Variants in RAD51B observed in about 807,000 individuals in gnomAD.
The protein encoded by RAD51B is RAD51 paralog B.
A neutral mutation model predicts 42.2 loss-of-function variants in RAD51B; 38 were observed. The ratio of observed to expected loss-of-function variants is 0.90; its 90% CI spans 0.70 to 1.18. The LOEUF (loss-of-function observed/expected upper bound fraction) is 1.18. RAD51B is among the 50% of genes most tolerant of loss of function. The pLI, the probability that RAD51B is intolerant of heterozygous loss-of-function variation, is 0.00. For synonymous variants in RAD51B, 154 were observed against 145.2 expected (o/e 1.06, Z -0.43); for missense variants, 373 against 400.7 (o/e 0.93, Z 0.59).
chr14:68,555,006 A>G (rs1252409083), intron 10 of RAD51B, among the ~76,000 whole-genome samples: 1 of 151,868 alleles, frequency 6.6e-6, no homozygotes, highest in Admixed American at 6.6e-5. Flanking sequence ...CTGCCACCAC[A>G]CCCGACTATT....
intron 11 of RAD51B, among the ~76,000 whole-genome samples, chr14:68,673,279 C>A (rs556075674): frequency 1.3e-5 from 2 of 152,260 alleles, no homozygotes; most frequent in South Asian, 4.1e-4. Flanking sequence ...AACACATACA[C>A]ATAAGACATG....
chr14:67,930,681 G>A (rs184899948), intron 7 of RAD51B, among the ~76,000 whole-genome samples: 5 of 152,130 alleles, frequency 3.3e-5, no homozygotes, highest in Non-Finnish European at 5.9e-5. Flanking sequence ...AAGACCTTTC[G>A]CATTGGATCA....
At chr14:68,180,206 C>T (rs1192921415) in intron 7 of RAD51B, among the ~76,000 whole-genome samples, 2 of 152,124 alleles carry the variant, frequency 1.3e-5, no homozygotes, top group African/African-American at 2.4e-5. Flanking sequence ...CCATAGCCTA[C>T]GTGTTTAGAA....
chr14:68,147,545 C>T (rs1465477616), intron 7 of RAD51B, among the ~76,000 whole-genome samples: 1 of 152,134 alleles, frequency 6.6e-6, no homozygotes, highest in Admixed American at 6.5e-5. Flanking sequence ...GCATCTGTCA[C>T]TAGATTTCAT....
chr14:67,884,241 A>C (rs2042999602), intron 5 of RAD51B, among the ~76,000 whole-genome samples: 1 of 152,170 alleles, frequency 6.6e-6, no homozygotes, highest in South Asian at 2.1e-4. Flanking sequence ...TCCATTGACC[A>C]CCATTCCTTT....
At chr14:68,595,846 A>G (rs1218966062) in exon 11 of RAD51B, 2 of 297,346 alleles carry the variant, frequency 6.7e-6, no homozygotes, top group African/African-American at 4.3e-5. Context: ...TGTAAGAAAA[A>G]AGTATTATGT....
intron 7 of RAD51B, among the ~76,000 whole-genome samples, chr14:68,000,014 A>C (rs796835857): frequency 1.7e-4 from 26 of 152,282 alleles, no homozygotes; most frequent in African/African-American, 6.0e-4. Context: ...ACAAACAAAC[A>C]AAAAGACAAC....
intron 7 of RAD51B, among the ~76,000 whole-genome samples, chr14:67,989,192 G>A (rs527397400): frequency 7.9e-4 from 121 of 152,226 alleles, no homozygotes; most frequent in Non-Finnish European, 1.5e-3. Context: ...TGATATTCAA[G>A]ATTTTAATTC....
chr14:68,001,374 A>G (rs2075479616), intron 7 of RAD51B, among the ~76,000 whole-genome samples: 1 of 151,634 alleles, frequency 6.6e-6, no homozygotes, highest in Non-Finnish European at 1.5e-5. Flanking sequence ...TAGAAAGTTT[A>G]TTTTTCTTGC....
At chr14:68,423,610 T>A (rs11850581) in intron 9 of RAD51B, among the ~76,000 whole-genome samples, 1 of 152,174 alleles carries the variant, frequency 6.6e-6, no homozygotes, top group African/African-American at 2.4e-5. Flanking sequence ...ACTCCCTCTT[T>A]TATATCCCTA....
chr14:67,962,396 T>C (rs1207292838), intron 7 of RAD51B, among the ~76,000 whole-genome samples: 4 of 152,102 alleles, frequency 2.6e-5, no homozygotes, highest in Non-Finnish European at 5.9e-5. Context: ...TCATGTCATA[T>C]CCTGATTGTT....
intron 8 of RAD51B, among the ~76,000 whole-genome samples, chr14:68,399,624 T>G (rs959476758): frequency 3.3e-5 from 5 of 152,238 alleles, no homozygotes; most frequent in African/African-American, 1.2e-4. Flanking sequence ...CCAATTTATT[T>G]TATAATATTG....
At chr14:68,414,458 AC>A (rs1368306902) in intron 9 of RAD51B, among the ~76,000 whole-genome samples, 1 of 151,968 alleles carries the variant, frequency 6.6e-6, no homozygotes, top group Non-Finnish European at 1.5e-5. Context: ...GGCCTCTCCT[AC>A]TTTTTGTAGT....
intron 9 of RAD51B, among the ~76,000 whole-genome samples, chr14:68,435,348 C>G (rs558839052): frequency 3.9e-5 from 6 of 152,110 alleles, no homozygotes; most frequent in African/African-American, 1.4e-4. Context: ...TTGCTGCAAA[C>G]GATATGACTT....
intron 7 of RAD51B, among the ~76,000 whole-genome samples, chr14:67,970,561 G>T: frequency 6.6e-6 from 1 of 150,760 alleles, no homozygotes; most frequent in Non-Finnish European, 1.5e-5. Context: ...TATGAGTTCT[G>T]TCATCTTGAT....
chr14:68,312,666 A>G (rs1190483514), intron 8 of RAD51B, among the ~76,000 whole-genome samples: 3 of 152,220 alleles, frequency 2.0e-5, no homozygotes, highest in African/African-American at 4.8e-5. Flanking sequence ...AGATTTTACC[A>G]GCATAATTAT....
chr14:67,849,098 T>G (rs941908677), intron 4 of RAD51B, among the ~76,000 whole-genome samples: 7 of 152,226 alleles, frequency 4.6e-5, no homozygotes, highest in South Asian at 4.1e-4. Flanking sequence ...TACCTGGATA[T>G]CTACATCTCT....
chr14:67,864,706 G>A, intron 4 of RAD51B: 1 of 492,640 alleles, frequency 2.0e-6, no homozygotes, highest in Non-Finnish European at 3.9e-6. Flanking sequence ...GAATGTTTCA[G>A]CCTTTCTCAA....
chr14:67,876,593 G>A (rs2140026462), intron 5 of RAD51B, among the ~76,000 whole-genome samples: 1 of 152,282 alleles, frequency 6.6e-6, no homozygotes, highest in Non-Finnish European at 1.5e-5. Flanking sequence ...AGATTTGATG[G>A]CAAAAGAAAA....
Sources: allele counts gnomAD v4.1 joint callset (sites outside exome capture counted in the v4.1 genomes callset), GRCh38; gene constraint gnomAD v4.1.1; transcripts MANE v1.5; gene names NCBI Gene and HGNC (gene_info 2026-07-23, HGNC 2026-07-21).